Variants in KIF3B observed in about 807,000 individuals in gnomAD.
The protein encoded by KIF3B is kinesin family member 3B.
A neutral mutation model predicts 74.3 loss-of-function variants in KIF3B; 38 were observed. That is an observed-to-expected ratio of 0.51 (90% CI 0.39 to 0.67). The LOEUF is 0.67. Among genes scored for constraint, KIF3B ranks in the 30% least tolerant of loss-of-function variants. The probability of loss-of-function intolerance (pLI) is 0.00; values close to 1 mark genes in which losing one functional copy is unlikely to be tolerated. For missense variants in KIF3B, 649 were observed against 932.0 expected, an observed-to-expected ratio of 0.70 and a Z score of 3.95; for synonymous variants, 326 against 342.5, an observed-to-expected ratio of 0.95 and a Z score of 0.53.
At chr20:32,284,065 G>A (rs146498518) in intron 1 of KIF3B, among the ~76,000 whole-genome samples, 3 of 151,734 alleles carry the variant, frequency 2.0e-5, no homozygotes, top group African/African-American at 7.3e-5. Context: ...ACAGGTGCAT[G>A]CCACTACACC....
At chr20:32,284,976 A>G (rs551792665) in intron 1 of KIF3B, among the ~76,000 whole-genome samples, 3 of 151,656 alleles carry the variant, frequency 2.0e-5, no homozygotes, top group South Asian at 2.1e-4. Flanking sequence ...CTCCAAGTCT[A>G]TTGCTCTTTC....
chr20:32,324,788 G>A (rs931616708), intron 5 of KIF3B, among the ~76,000 whole-genome samples: 1 of 152,136 alleles, frequency 6.6e-6, no homozygotes, highest in Admixed American at 6.6e-5. Context: ...CAGCACTTTT[G>A]GAGGCTGAGG....
chr20:32,329,742 G>A (rs1366772181), intron 7 of KIF3B, among the ~76,000 whole-genome samples: 1 of 152,132 alleles, frequency 6.6e-6, no homozygotes, highest in Non-Finnish European at 1.5e-5. Context: ...GTTGGTGGAA[G>A]CACACTCAAT....
chr20:32,286,430 C>T (rs2047667763), intron 1 of KIF3B, among the ~76,000 whole-genome samples: 1 of 152,078 alleles, frequency 6.6e-6, no homozygotes. Flanking sequence ...TTCAAGTTAC[C>T]TAAAGATAAC....
chr20:32,312,711 A>G (rs1296133217), intron 2 of KIF3B, among the ~76,000 whole-genome samples: 1 of 152,090 alleles, frequency 6.6e-6, no homozygotes, highest in Non-Finnish European at 1.5e-5. Flanking sequence ...CTCCTGGTGT[A>G]TGGGTTGTTT....
At chr20:32,280,476 A>C (rs1011414162) in intron 1 of KIF3B, among the ~76,000 whole-genome samples, 11 of 152,004 alleles carry the variant, frequency 7.2e-5, no homozygotes, top group African/African-American at 2.7e-4. Context: ...GCACTTTGGG[A>C]GGCCAAGACG....
At chr20:32,327,152 A>G (rs1379087591) in intron 6 of KIF3B, among the ~76,000 whole-genome samples, 1 of 152,128 alleles carries the variant, frequency 6.6e-6, no homozygotes, top group Non-Finnish European at 1.5e-5. Context: ...CTGTTTCTCC[A>G]GCTGTGAAGT....
At chr20:32,316,384 C>A (rs188782900) in intron 3 of KIF3B, 65 bp downstream of exon 3, 1 of 1,527,134 alleles carries the variant, frequency 6.5e-7, no homozygotes. Context: ...GCAGAGCAAA[C>A]GTCTCATATT....
rs2047938258 is a variant in KIF3B, at chr20:32,333,234, CT to C, written c.*1916del. The C allele has an allele frequency of 6.6e-6, 1 of 152,132 alleles. No homozygotes were observed. Among genetic ancestry groups the C allele is most frequent in the Non-Finnish European group, 1.5e-5 (1 of 68,034 alleles). 9.4% of individuals were successfully genotyped at this position (152,132 alleles called of 1,614,324 possible). A position where few individuals can be genotyped will look rare whatever the true frequency, so the allele number is the denominator to read the frequency against. The stretch of plus-strand genomic sequence containing the variant: ...AAAACGCTAAGGTGGGTAGCCTAAG[CT>C]GATTTTCTGCTGGTTACACGTGTCT... On this transcript the variant is annotated 3_prime_UTR_variant, in exon 9 of 9. Coordinates refer to ENST00000375712, the MANE Select transcript of KIF3B (RefSeq NM_004798.4).
chr20:32,306,100 A>ATG (rs1569198181), intron 1 of KIF3B, among the ~76,000 whole-genome samples: 1 of 147,976 alleles, frequency 6.8e-6, no homozygotes, highest in Admixed American at 6.8e-5. Flanking sequence ...AAAAAAAAAA[A>ATG]AAAGAAAGTT....
At chr20:32,299,403 A>ATTTTTTTTTT (rs11473044) in intron 1 of KIF3B, among the ~76,000 whole-genome samples, 2 of 9,026 alleles carry the variant, frequency 2.2e-4, no homozygotes, top group African/African-American at 6.1e-4. Flanking sequence ...ATATATATAT[A>ATTTTTTTTTT]TTTTTTTTTT....
At chr20:32,324,625 G>C (rs139038801) in intron 5 of KIF3B, among the ~76,000 whole-genome samples, 7 of 152,296 alleles carry the variant, frequency 4.6e-5, no homozygotes, top group Non-Finnish European at 7.4e-5. Context: ...TCTTTGTCTG[G>C]ATCCATTATT....
intron 1 of KIF3B, among the ~76,000 whole-genome samples, chr20:32,291,337 C>T (rs1489311340): frequency 3.3e-5 from 5 of 151,488 alleles, no homozygotes; most frequent in African/African-American, 7.3e-5. Flanking sequence ...TTTGGAAAAT[C>T]CCAATTATGC....
At chr20:32,322,647 TA>T (rs1436827831) in intron 5 of KIF3B, among the ~76,000 whole-genome samples, 2 of 85,052 alleles carry the variant, frequency 2.4e-5, no homozygotes, top group East Asian at 4.1e-4. Flanking sequence ...TTTATATATA[TA>T]TTTTTATATA....
intron 1 of KIF3B, among the ~76,000 whole-genome samples, chr20:32,288,749 C>T (rs893226799): frequency 1.3e-5 from 2 of 152,190 alleles, no homozygotes; most frequent in Non-Finnish European, 2.9e-5. Flanking sequence ...CCTCAGCTCA[C>T]TGCAACCTCC....
Position 32,331,434 on chromosome 20 carries a change from G to A in KIF3B, c.*115G>A, listed in dbSNP as rs1354082226. 1 of 775,918 alleles carries A rather than the reference G, an allele frequency of 1.3e-6. No individual in the cohort carries two copies. Among genetic ancestry groups the A allele is most frequent in the African/African-American group, 1.7e-5 (1 of 57,236 alleles). The allele number at this position is 775,918 out of a possible 1,614,324, so 48.1% of individuals were successfully genotyped here. ...CTCAGAACTGTTCCCCTGAGGAGAA[G>A]CGGTGGCCTCTTTGCAGATCAACCA... is the stretch of plus-strand genomic sequence containing the variant. On this transcript the variant is annotated 3_prime_UTR_variant, in exon 9 of 9. Transcript: ENST00000375712.
intron 5 of KIF3B, among the ~76,000 whole-genome samples, chr20:32,318,016 A>G (rs569941175): frequency 4.6e-5 from 7 of 152,218 alleles, no homozygotes; most frequent in Middle Eastern, 3.4e-3. Flanking sequence ...AAAGTGTACA[A>G]ATCAGTCCGG....
intron 5 of KIF3B, among the ~76,000 whole-genome samples, chr20:32,319,512 A>T (rs1011260429): frequency 7.6e-6 from 1 of 132,418 alleles, no homozygotes; most frequent in Non-Finnish European, 1.6e-5. Flanking sequence ...ATATATATGA[A>T]ATATATATAT....
chr20:32,316,967 G>A (rs1176802635), intron 5 of KIF3B, 93 bp downstream of exon 5: 3 of 954,688 alleles, frequency 3.1e-6, no homozygotes, highest in Non-Finnish European at 5.1e-6. Context: ...TGGGCTTGGT[G>A]GCCTACGCCT....
Sources: allele counts gnomAD v4.1 joint callset (sites outside exome capture counted in the v4.1 genomes callset), GRCh38; gene constraint gnomAD v4.1.1; transcripts MANE v1.5; gene names NCBI Gene and HGNC (gene_info 2026-07-23, HGNC 2026-07-21).